The following CYP4Z1 variants were observed in gnomAD, a reference collection of about 807,000 sequenced individuals.
The protein encoded by CYP4Z1 is cytochrome P450 4Z1.
In CYP4Z1, 41 loss-of-function variants were observed where a neutral mutation model predicts 54.2. The observed-to-expected ratio is 0.76, with a 90% CI of 0.59 to 0.98. The LOEUF (loss-of-function observed/expected upper bound fraction) is 0.98. Ranked by LOEUF, CYP4Z1 falls within the 50% of genes least tolerant of loss-of-function variation. The pLI is 0.00. For synonymous variants in CYP4Z1, 163 were observed against 206.2 expected (o/e 0.79, Z 1.79); for missense variants, 513 against 599.0 (o/e 0.86, Z 1.50).
upstream of CYP4Z1, among the ~76,000 whole-genome samples, chr1:47,064,134 G>T (rs1409892199): frequency 6.8e-6 from 1 of 146,336 alleles, no homozygotes; most frequent in Non-Finnish European, 1.5e-5. Flanking sequence ...CCACACTGGA[G>T]TGCAGTGGCG....
At chr1:47,099,534 T>A (rs1267726141) in intron 8 of CYP4Z1, among the ~76,000 whole-genome samples, 1 of 152,164 alleles carries the variant, frequency 6.6e-6, no homozygotes, top group Non-Finnish European at 1.5e-5. Context: ...ATAGTACAAC[T>A]GCGGAAAGAA....
intron 9 of CYP4Z1, among the ~76,000 whole-genome samples, chr1:47,113,238 C>T (rs1317059722): frequency 1.3e-5 from 2 of 152,168 alleles, no homozygotes; most frequent in Non-Finnish European, 2.9e-5. Context: ...GCTTTTTTAT[C>T]TGCCTCAAAT....
the CYP4Z1 span, among the ~76,000 whole-genome samples, chr1:47,061,743 A>G: frequency 1.3e-5 from 2 of 152,238 alleles, no homozygotes; most frequent in African/African-American, 4.8e-5. Flanking sequence ...AGAAAACTTC[A>G]GACCAATATT....
At chr1:47,067,736 G>C in intron 1 of CYP4Z1, 69 bp downstream of exon 1, 1 of 1,406,138 alleles carries the variant, frequency 7.1e-7, no homozygotes, top group Non-Finnish European at 9.5e-7. Flanking sequence ...AAACAGCACA[G>C]ACTGGTGGGG....
chr1:47,095,782 A>T (rs1158030978), intron 7 of CYP4Z1, among the ~76,000 whole-genome samples: 1 of 152,188 alleles, frequency 6.6e-6, no homozygotes, highest in African/African-American at 2.4e-5. Flanking sequence ...GTTTGGTCCA[A>T]ATCTCATGCC....
rs1209990571 is a variant in CYP4Z1 at position 47,117,888 on chromosome 1, T to C, written c.1472T>C (p.Leu491Pro). 1.2e-6 allele frequency: 2 copies of C among 1,613,520 alleles called. No homozygotes were observed. The highest frequency in any genetic ancestry group is 8.5e-7 in the Non-Finnish European group (1 of 1,179,778). The change falls in exon 12 of 12, where the codon CTC becomes CCC. Residue 491 changes from leucine (L) to proline (P), a missense_variant. Leu to Pro is a moderately conservative substitution (Grantham distance 98, BLOSUM62 -3). Coordinates refer to ENST00000334194, the MANE Select transcript of CYP4Z1 (RefSeq NM_178134.3). ...RPPQPVRQVVLKSKNGIHVFA... is the reference protein window; with the variant it reads ...RPPQPVRQVVPKSKNGIHVFA... ...CCCCAGCCTGTTCGTCAAGTTGTCCTCAAGTCCAAGAATGGAATCCATGTG... is the reference window on the plus strand; with the variant it reads ...CCCCAGCCTGTTCGTCAAGTTGTCCCCAAGTCCAAGAATGGAATCCATGTG...
At chr1:47,105,117 G>A (rs950424486) in intron 8 of CYP4Z1, among the ~76,000 whole-genome samples, 1 of 152,134 alleles carries the variant, frequency 6.6e-6, no homozygotes, top group Non-Finnish European at 1.5e-5. Context: ...TTGTCCTCAG[G>A]GTGCATGAAA....
chr1:47,103,743 T>C (rs1381729624), intron 8 of CYP4Z1, among the ~76,000 whole-genome samples: 2 of 151,916 alleles, frequency 1.3e-5, no homozygotes, highest in Non-Finnish European at 2.9e-5. Context: ...TACAGGCACA[T>C]GCCACCACAA....
chr1:47,061,503 C>T, the CYP4Z1 span, among the ~76,000 whole-genome samples: 2 of 151,944 alleles, frequency 1.3e-5, no homozygotes, highest in Admixed American at 1.3e-4. Context: ...ATCCCTAAAC[C>T]GACCGATAAT....
Position 47,093,360 on chromosome 1 carries a change from T to C in CYP4Z1, c.773-1206T>C, listed in dbSNP as rs547588547. Among the ~76,000 whole-genome samples the C allele has an allele frequency of 2.0e-4, 30 of 152,260 alleles. No individual in the cohort carries two copies. In the East Asian group the frequency reaches 5.6e-3, roughly 28 times the overall value. On this transcript the variant is annotated intron_variant, in intron 6 of 11. Transcript: ENST00000334194. The stretch of plus-strand genomic sequence containing the variant: ...GTCGAAGGCGTGGTCCTCCAAGCTA[T>C]GGAACCAGATGAACTAAGTGATGCT...
intron 10 of CYP4Z1, among the ~76,000 whole-genome samples, chr1:47,115,807 C>G (rs1182431414): frequency 6.6e-6 from 1 of 152,220 alleles, no homozygotes; most frequent in Admixed American, 6.5e-5. Flanking sequence ...AGAAGCATAT[C>G]ATCCCCTGGG....
At chr1:47,060,140 A>G in the CYP4Z1 span, among the ~76,000 whole-genome samples, 1 of 152,204 alleles carries the variant, frequency 6.6e-6, no homozygotes, top group African/African-American at 2.4e-5. Flanking sequence ...AATTCACTTC[A>G]TTTCTATGAT....
chr1:47,069,671 T>C (rs1047569683), intron 2 of CYP4Z1, among the ~76,000 whole-genome samples: 15 of 151,928 alleles, frequency 9.9e-5, no homozygotes, highest in Non-Finnish European at 2.1e-4. Flanking sequence ...CTCTTCAGTG[T>C]GTTCACTCCC....
intron 8 of CYP4Z1, among the ~76,000 whole-genome samples, chr1:47,101,720 T>G (rs1644723031): frequency 6.6e-6 from 1 of 152,174 alleles, no homozygotes; most frequent in Non-Finnish European, 1.5e-5. Flanking sequence ...TATGTATTCT[T>G]CACCTATTGG....
chr1:47,090,551 A>T (rs180873797), intron 6 of CYP4Z1, among the ~76,000 whole-genome samples: 1 of 152,374 alleles, frequency 6.6e-6, no homozygotes, highest in East Asian at 1.9e-4. Context: ...TATGCGTTAA[A>T]AAGAGGTTTT....
chr1:47,099,598 T>C (rs1469527818), intron 8 of CYP4Z1, among the ~76,000 whole-genome samples: 1 of 152,140 alleles, frequency 6.6e-6, no homozygotes, highest in Non-Finnish European at 1.5e-5. Flanking sequence ...CAAACCCCTC[T>C]TTCTCCAAGA....
upstream of CYP4Z1, among the ~76,000 whole-genome samples, chr1:47,064,010 C>T (rs1436514420): frequency 6.7e-6 from 1 of 149,658 alleles, no homozygotes; most frequent in Non-Finnish European, 1.5e-5. Flanking sequence ...GGTAACCTGT[C>T]AAGAAAAACC....
intron 8 of CYP4Z1, among the ~76,000 whole-genome samples, chr1:47,105,474 G>A (rs1016062327): frequency 2.6e-5 from 4 of 152,134 alleles, no homozygotes; most frequent in Non-Finnish European, 5.9e-5. Flanking sequence ...GTAGGAGTCC[G>A]TGGTGGGAAC....
At chr1:47,055,831 T>C in the CYP4Z1 span, among the ~76,000 whole-genome samples, 3 of 152,194 alleles carry the variant, frequency 2.0e-5, no homozygotes, top group Non-Finnish European at 4.4e-5. Flanking sequence ...TTAGTCTTGC[T>C]AGCGGTCTAT....
Sources: gnomAD v4.1 joint callset for allele counts (sites outside exome capture counted in the v4.1 genomes callset) on GRCh38, gnomAD v4.1.1 for gene constraint, MANE v1.5 for transcripts, NCBI Gene and HGNC (gene_info 2026-07-23, HGNC 2026-07-21) for gene names.